Variants in NLRP14 observed in about 807,000 individuals in gnomAD.
NLRP14 encodes the protein NACHT, LRR and PYD domains-containing protein 14.
NLRP14 carries 105 observed loss-of-function variants against 94.7 expected under a neutral mutation model. The observed-to-expected ratio is 1.11, with a 90% CI of 0.95 to 1.30. The LOEUF (loss-of-function observed/expected upper bound fraction) is 1.30. Among genes scored for constraint, NLRP14 ranks in the 50% most tolerant of loss-of-function variants. NLRP14 has a pLI of 0.00. For synonymous variants in NLRP14, 508 were observed against 459.9 expected, an observed-to-expected ratio of 1.10 and a Z score of -1.34; for missense variants, 1,362 against 1,254.1, an observed-to-expected ratio of 1.09 and a Z score of -1.30.
At chr11:7,045,696 G>A (rs1439054761) in intron 4 of NLRP14, among the ~76,000 whole-genome samples, 1 of 151,798 alleles carries the variant, frequency 6.6e-6, no homozygotes, top group Non-Finnish European at 1.5e-5. Flanking sequence ...TTGACTAGCT[G>A]TTATATATAA....
rs531311287 is a variant in NLRP14, at chr11:7,070,414, A to G, written c.3104A>G (p.Tyr1035Cys). Residue 1035 changes from tyrosine to cysteine, a missense_variant, in exon 11 of 12, where the codon TAT becomes TGT. Coordinates refer to ENST00000299481, the MANE Select transcript of NLRP14 (RefSeq NM_176822.4). ...GGATATGAAGGAATTGTGAAGTTATATAAAGTCTTGAAGTCTCCTAAGTGT... is the reference window on the plus strand; with the variant it reads ...GGATATGAAGGAATTGTGAAGTTATGTAAAGTCTTGAAGTCTCCTAAGTGT... ...TLGYEGIVKLYKVLKSPKCKL... is the reference protein window; with the variant it reads ...TLGYEGIVKLCKVLKSPKCKL... The G allele has an allele frequency of 5.0e-6, 8 of 1,612,012 alleles. No homozygotes were observed. The South Asian group carries it at 7.7e-5, about 15-fold the overall frequency.
chr11:7,021,589 C>T (rs953112957), intron 1 of NLRP14, among the ~76,000 whole-genome samples: 6 of 151,960 alleles, frequency 3.9e-5, no homozygotes, highest in African/African-American at 7.3e-5. Context: ...GTTGTTTAAC[C>T]GCTCACCCTT....
At chr11:7,070,479 G>C (rs752870316) in intron 11 of NLRP14, 23 bp downstream of exon 11, 3 of 1,580,148 alleles carry the variant, frequency 1.9e-6, no homozygotes, top group East Asian at 4.5e-5. Context: ...TGGCTTCTCA[G>C]GGGGAGCATT....
the NLRP14 span, chr11:7,089,805 C>A: frequency 6.2e-7 from 1 of 1,605,618 alleles, no homozygotes; most frequent in East Asian, 2.2e-5. Context: ...CCGCGAACCC[C>A]GGGGTTTTGC....
At chr11:7,090,194 C>T in the NLRP14 span, 2 of 1,612,952 alleles carry the variant, frequency 1.2e-6, no homozygotes, top group Admixed American at 3.3e-5. Context: ...AAAGGGGCTG[C>T]CCTCCCCAGC....
chr11:7,032,073 T>G (rs1258057387), intron 1 of NLRP14, among the ~76,000 whole-genome samples: 1 of 152,226 alleles, frequency 6.6e-6, no homozygotes, highest in South Asian at 2.1e-4. Flanking sequence ...CTTTAACTTT[T>G]TGGAATTTGG....
chr11:7,087,810 T>A, the NLRP14 span, among the ~76,000 whole-genome samples: 2 of 152,054 alleles, frequency 1.3e-5, no homozygotes, highest in Non-Finnish European at 2.9e-5. Context: ...TAGCAAAGAT[T>A]TAGGAAGAAA....
chr11:7,055,704 A>G lies in NLRP14; in HGVS notation c.2292-1973A>G, dbSNP rs150916327. Among the ~76,000 whole-genome samples, 5 of 152,218 alleles carry G rather than the reference A, an allele frequency of 3.3e-5. No homozygotes were observed. In the East Asian group the frequency reaches 5.8e-4, roughly 18 times the overall value. On this transcript the variant is annotated intron_variant, in intron 6 of 11. Coordinates refer to ENST00000299481, the MANE Select transcript of NLRP14 (RefSeq NM_176822.4). ...CTACCCTGACCAACTCTCAAAGCAG[A>G]GCTTATTCTAGGTAGATGGAACATG...
rs79246481 is a variant in NLRP14, at chr11:7,062,187, A to G, written c.2805-146A>G. ...TTAAGAAATCCCATCATTTTTACTG[A>G]TAAATTAGACCCTCCCATGTATGTC... On this transcript the variant is annotated intron_variant, in intron 9 of 11. Coordinates refer to ENST00000299481, the MANE Select transcript of NLRP14 (RefSeq NM_176822.4). 3,177 of 683,980 alleles carry G rather than the reference A, an allele frequency of 4.6e-3. 10 individuals carry two copies. Among genetic ancestry groups the G allele is most frequent in the Non-Finnish European group, 6.8e-3 (2,684 of 392,626 alleles). The allele number at this position is 683,980 out of a possible 1,614,324, so 42.4% of individuals were successfully genotyped here. A position where few individuals can be genotyped will look rare whatever the true frequency, so the allele number is the denominator to read the frequency against.
At chr11:7,088,977 G>C in the NLRP14 span, 1 of 949,446 alleles carries the variant, frequency 1.1e-6, no homozygotes, top group Non-Finnish European at 1.6e-6. Flanking sequence ...CCCTGCAGCG[G>C]GGCTCCGGCT....
At chr11:7,072,034 A>G (rs1302071001), downstream of NLRP14, among the ~76,000 whole-genome samples, 1 of 152,170 alleles carries the variant, frequency 6.6e-6, no homozygotes, top group African/African-American at 2.4e-5. Flanking sequence ...GCGTGACACA[A>G]TAAATTTTGT....
At position 7,043,862 on chromosome 11, in the gene NLRP14, A is replaced by T. The variant is rs767709890; in HGVS notation, c.1836A>T (p.Lys612Asn). ...AGGTTGCCATTAATATTTGTGAGAA[A>T]ATACATTTGCTTGTATCTTCTTTCT... ...FPKVAINICE[K>N]IHLLVSSFCL... The change falls in exon 4 of 12, where the codon AAA becomes AAT. Residue 612 changes from lysine to asparagine, a missense_variant. Lys to Asn is a moderately conservative substitution (Grantham distance 94). Transcript: ENST00000299481. The T allele has an allele frequency of 3.3e-5, 54 of 1,614,044 alleles. No homozygotes were observed. The South Asian group carries it at 5.2e-4, about 15-fold the overall frequency.
Position 7,049,695 on chromosome 11 carries a change from T to C in NLRP14, c.2148T>C (p.Asp716=). ...KLLLKFITFP[D]GCQDISTSLI... ...GGTTGAAATTTATCACTTTCCCTGATGGTTGTCAGGATATCTCTACTTCTT... is the reference window on the plus strand; with the variant it reads ...GGTTGAAATTTATCACTTTCCCTGACGGTTGTCAGGATATCTCTACTTCTT... Residue 716 remains aspartate, a synonymous_variant, in exon 6 of 12, where the codon GAT becomes GAC. Transcript: ENST00000299481. The C allele has an allele frequency of 6.2e-7, 1 of 1,612,728 alleles. No individual in the cohort carries two copies. The highest frequency in any genetic ancestry group is 8.5e-7 in the Non-Finnish European group (1 of 1,178,762).
chr11:7,053,838 A>G (rs2119662688), intron 6 of NLRP14, among the ~76,000 whole-genome samples: 1 of 152,250 alleles, frequency 6.6e-6, no homozygotes, highest in African/African-American at 2.4e-5. Context: ...TTTAAAATGT[A>G]CAATTATTTT....
chr11:7,037,769 G>A (rs1009072645), intron 1 of NLRP14, among the ~76,000 whole-genome samples: 1 of 152,202 alleles, frequency 6.6e-6, no homozygotes, highest in African/African-American at 2.4e-5. Context: ...GGTTATGGGA[G>A]TTTGCAGCTT....
intron 7 of NLRP14, 69 bp downstream of exon 7, chr11:7,057,916 A>T: frequency 7.7e-7 from 1 of 1,306,124 alleles, no homozygotes; most frequent in Non-Finnish European, 1.1e-6. Context: ...TTGTGATCTG[A>T]TAGGGAAACT....
the NLRP14 span, among the ~76,000 whole-genome samples, chr11:7,084,875 T>G: frequency 6.6e-6 from 1 of 152,124 alleles, no homozygotes; most frequent in Non-Finnish European, 1.5e-5. Context: ...GTGTCTGAAG[T>G]TGGGGGTAAT....
intron 11 of NLRP14, 88 bp from the exon 12 acceptor site, chr11:7,071,085 T>C: frequency 6.0e-6 from 9 of 1,491,266 alleles, no homozygotes; most frequent in Middle Eastern, 3.5e-4. Flanking sequence ...AACAGTTTTT[T>C]TTCTCCTGAA....
chr11:7,066,854 G>T (rs1302609715), intron 10 of NLRP14, among the ~76,000 whole-genome samples: 1 of 152,140 alleles, frequency 6.6e-6, no homozygotes, highest in African/African-American at 2.4e-5. Context: ...AATCCATCTT[G>T]AATTAATTTT....
Sources: allele counts gnomAD v4.1 joint callset (sites outside exome capture counted in the v4.1 genomes callset), GRCh38; gene constraint gnomAD v4.1.1; transcripts MANE v1.5; gene names NCBI Gene and HGNC (gene_info 2026-07-23, HGNC 2026-07-21).